The following MAD1L1 variants were observed in gnomAD, a reference collection of about 807,000 sequenced individuals.
MAD1L1 encodes the protein mitotic arrest deficient 1 like 1.
Under a neutral mutation model 96.9 loss-of-function variants are expected in MAD1L1, and 95 were observed. That is an observed-to-expected ratio of 0.98 (90% CI 0.83 to 1.16). The LOEUF (loss-of-function observed/expected upper bound fraction) is 1.16, where lower values mean the gene tolerates loss of function less well. Among genes scored for constraint, MAD1L1 ranks in the 50% most tolerant of loss-of-function variants. The probability of loss-of-function intolerance (pLI) is 0.00; values close to 1 mark genes in which losing one functional copy is unlikely to be tolerated. For synonymous variants in MAD1L1, 473 were observed against 396.6 expected (o/e 1.19, Z -2.29); for missense variants, 1,007 against 954.4 (o/e 1.06, Z -0.73).
intron 11 of MAD1L1, among the ~76,000 whole-genome samples, chr7:2,095,818 C>T (rs992838206): frequency 2.0e-5 from 3 of 152,182 alleles, no homozygotes; most frequent in Non-Finnish European, 2.9e-5. Context: ...ACACCCCAGC[C>T]GTCTCTAAGG....
At chr7:2,109,606 T>C (rs1787274142) in intron 11 of MAD1L1, 1 of 152,148 alleles carries the variant, frequency 6.6e-6, no homozygotes, top group African/African-American at 2.4e-5. Context: ...CAATCCAAGA[T>C]TGTCAAGAGC....
At chr7:1,859,322 C>T (rs1408979969) in intron 18 of MAD1L1, among the ~76,000 whole-genome samples, 1 of 152,246 alleles carries the variant, frequency 6.6e-6, no homozygotes, top group Non-Finnish European at 1.5e-5. Flanking sequence ...GCTGCAGGTT[C>T]ACCAGGCGTC....
At chr7:1,845,588 ACG>A (rs1391376355) in intron 18 of MAD1L1, 2 of 127,844 alleles carry the variant, frequency 1.6e-5, no homozygotes, top group Non-Finnish European at 3.3e-5. Flanking sequence ...TAGGAGACGG[ACG>A]TGCTCCACGC....
chr7:1,893,553 C>T (rs1393438233), intron 18 of MAD1L1, among the ~76,000 whole-genome samples: 2 of 152,072 alleles, frequency 1.3e-5, no homozygotes, highest in South Asian at 2.1e-4. Flanking sequence ...GGGCAGGGGG[C>T]CTGTCTCCCT....
chr7:2,005,097 G>A (rs556071149), intron 13 of MAD1L1, among the ~76,000 whole-genome samples: 5 of 152,334 alleles, frequency 3.3e-5, no homozygotes, highest in Admixed American at 6.5e-5. Context: ...GTCAGCAGGA[G>A]CAGCTATGGC....
chr7:2,081,130 C>T (rs1351886527), intron 11 of MAD1L1, among the ~76,000 whole-genome samples: 3 of 150,282 alleles, frequency 2.0e-5, no homozygotes, highest in African/African-American at 7.4e-5. Context: ...GGGGATGACG[C>T]AGGGTGGGAA....
chr7:2,129,683 C>T (rs1027354845), intron 11 of MAD1L1, among the ~76,000 whole-genome samples: 5 of 152,222 alleles, frequency 3.3e-5, no homozygotes, highest in African/African-American at 4.8e-5. Context: ...CAGCTGGACA[C>T]GCAGGCTCGA....
intron 10 of MAD1L1, among the ~76,000 whole-genome samples, chr7:2,195,294 C>T (rs975601854): frequency 4.6e-5 from 7 of 152,124 alleles, no homozygotes; most frequent in Non-Finnish European, 8.8e-5. Context: ...TTTTCTTATC[C>T]GAGTCAATAA....
chr7:2,100,999 G>A (rs905264658), intron 11 of MAD1L1, among the ~76,000 whole-genome samples: 1 of 152,210 alleles, frequency 6.6e-6, no homozygotes, highest in South Asian at 2.1e-4. Flanking sequence ...TCATTTGCAC[G>A]TGTCAGGGGA....
At chr7:1,826,186 G>A (rs1782383164) in intron 18 of MAD1L1, among the ~76,000 whole-genome samples, 1 of 152,138 alleles carries the variant, frequency 6.6e-6, no homozygotes, top group Admixed American at 6.5e-5. Context: ...GGAGTCTCAG[G>A]TGCTGTGGGG....
intron 18 of MAD1L1, chr7:1,848,320 G>C (rs1353178943): frequency 6.2e-6 from 1 of 160,998 alleles, no homozygotes; most frequent in Non-Finnish European, 1.4e-5. Flanking sequence ...AGAAGTGTGG[G>C]TGGGCTGTGT....
At chr7:1,990,094 G>C (rs1781339455) in intron 14 of MAD1L1, among the ~76,000 whole-genome samples, 1 of 152,242 alleles carries the variant, frequency 6.6e-6, no homozygotes, top group Non-Finnish European at 1.5e-5. Context: ...GCCAGAGTGA[G>C]GGCGTCCACA....
At chr7:2,128,838 A>G (rs974050646) in intron 11 of MAD1L1, among the ~76,000 whole-genome samples, 1 of 152,260 alleles carries the variant, frequency 6.6e-6, no homozygotes, top group East Asian at 1.9e-4. Flanking sequence ...CCAGGAGCAC[A>G]AGGCCCCATC....
chr7:1,886,910 G>A (rs1583658362), intron 18 of MAD1L1, among the ~76,000 whole-genome samples: 1 of 152,414 alleles, frequency 6.6e-6, no homozygotes, highest in East Asian at 1.9e-4. Context: ...GACTCCAGAA[G>A]GTGGTGCCGC....
At chr7:2,134,523 G>C (rs1039118343) in intron 11 of MAD1L1, among the ~76,000 whole-genome samples, 1 of 152,208 alleles carries the variant, frequency 6.6e-6, no homozygotes, top group Non-Finnish European at 1.5e-5. Flanking sequence ...TAGGAGTGGT[G>C]AGTGGGACTC....
chr7:2,192,144 T>C (rs1791757135), intron 10 of MAD1L1, among the ~76,000 whole-genome samples: 1 of 152,072 alleles, frequency 6.6e-6, no homozygotes, highest in South Asian at 2.1e-4. Flanking sequence ...TTTTGTTTTT[T>C]TTTGAGATGG....
At chr7:1,922,351 T>C (rs1735991804) in intron 17 of MAD1L1, among the ~76,000 whole-genome samples, 1 of 152,270 alleles carries the variant, frequency 6.6e-6, no homozygotes, top group African/African-American at 2.4e-5. Flanking sequence ...GTGTTAGTGA[T>C]GCCTGCAGAT....
At chr7:2,059,165 A>G (rs1220646753) in intron 12 of MAD1L1, among the ~76,000 whole-genome samples, 1 of 135,998 alleles carries the variant, frequency 7.4e-6, no homozygotes, top group Non-Finnish European at 1.6e-5. Context: ...AGAGGAGAAG[A>G]GAGGCGTGGG....
At chr7:2,039,594 C>T (rs1463981948) in intron 12 of MAD1L1, among the ~76,000 whole-genome samples, 2 of 152,190 alleles carry the variant, frequency 1.3e-5, no homozygotes, top group Non-Finnish European at 2.9e-5. Context: ...GCATTTCCCT[C>T]ATGACTAATG....
Sources: allele counts gnomAD v4.1 joint callset (sites outside exome capture counted in the v4.1 genomes callset), GRCh38; gene constraint gnomAD v4.1.1; transcripts MANE v1.5; gene names NCBI Gene and HGNC (gene_info 2026-07-23, HGNC 2026-07-21).